The following MEST variants were observed in gnomAD, a reference collection of about 807,000 sequenced individuals.
The protein encoded by MEST is mesoderm specific transcript, also known as mesoderm-specific transcript homolog protein.
A neutral mutation model predicts 50.9 loss-of-function variants in MEST; 18 were observed. The observed-to-expected ratio is 0.35, with a 90% CI of 0.24 to 0.52. The LOEUF is 0.52. Among genes scored for constraint, MEST ranks in the 20% least tolerant of loss-of-function variants. The pLI, the probability that MEST is intolerant of heterozygous loss-of-function variation, is 0.94. For synonymous variants in MEST, 130 were observed against 154.1 expected, an observed-to-expected ratio of 0.84 and a Z score of 1.16; for missense variants, 282 against 425.3, an observed-to-expected ratio of 0.66 and a Z score of 2.96.
Position 130,497,966 on chromosome 7 carries a change from C to T in MEST, c.292C>T (p.Arg98Trp), listed in dbSNP as rs1554437495. Residue 98 changes from arginine to tryptophan, a missense_variant, in exon 4 of 12, where the codon CGG becomes TGG. Physicochemically the swap from Arg to Trp is moderately radical, Grantham distance 101. Transcript: ENST00000223215. The surrounding 1 kb of genome is among the most constrained non-coding windows in gnomAD (Gnocchi z 4.0). ...IWEGLTLRFH[R>W]VIALDFLGFG... ...GGAAGGTCTGACCTTGAGGTTTCAT[C>T]GGGTGATTGCCCTTGATTTCTTAGG... The T allele has an allele frequency of 2.5e-6, 4 of 1,614,192 alleles. No homozygotes were observed. The highest frequency in any genetic ancestry group is 1.3e-5 in the African/African-American group (1 of 75,046).
chr7:130,498,493 G>T lies in MEST; in HGVS notation c.535+16G>T. On this transcript the variant is annotated intron_variant, in intron 6 of 11. Transcript: ENST00000223215. ...TCAAATGGAGGTAATTGCCTTGGCG[G>T]TAGGTAGAAAGTGGGTGTAATCTAG... 1 of 1,613,448 alleles carries T rather than the reference G, an allele frequency of 6.2e-7. No individual in the cohort carries two copies. Among genetic ancestry groups the T allele is most frequent in the Non-Finnish European group, 8.5e-7 (1 of 1,179,394 alleles).
At chr7:130,498,343 CT>C in intron 5 of MEST, 68 bp downstream of exon 5, 6 of 1,611,042 alleles carry the variant, frequency 3.7e-6, no homozygotes, top group Non-Finnish European at 5.1e-6. Context: ...TGTTTGTATC[CT>C]TTTTCTCTCG....
upstream of MEST, among the ~76,000 whole-genome samples, chr7:130,491,900 A>T (rs1447604870): frequency 6.6e-6 from 1 of 151,926 alleles, no homozygotes; most frequent in East Asian, 1.9e-4. The surrounding 1 kb of genome is among the most constrained non-coding windows in gnomAD (Gnocchi z 6.8). Flanking sequence ...GACACCCCTG[A>T]AGGTGCCCCC....
intron 1 of MEST, among the ~76,000 whole-genome samples, chr7:130,494,245 G>A (rs1798951216): frequency 1.3e-5 from 2 of 152,166 alleles, no homozygotes; most frequent in Admixed American, 6.5e-5. Flanking sequence ...GTGTACAGAC[G>A]GAAAGCCATT....
At chr7:130,495,013 A>T (rs1295592642) in intron 1 of MEST, among the ~76,000 whole-genome samples, 1 of 152,184 alleles carries the variant, frequency 6.6e-6, no homozygotes, top group Non-Finnish European at 1.5e-5. Context: ...TCAACGAAAG[A>T]GTGTCCAGCA....
chr7:130,506,371 G>A lies in MEST; in HGVS notation c.*1315G>A, dbSNP rs1272438038. 2.4e-5 allele frequency: 3 copies of A among 124,808 alleles called. No individual in the cohort carries two copies. Among genetic ancestry groups the A allele is most frequent in the African/African-American group, 9.7e-5 (3 of 31,028 alleles). The allele number at this position is 124,808 out of a possible 1,614,324, so 7.7% of individuals were successfully genotyped here. On this transcript the variant is annotated 3_prime_UTR_variant, in exon 12 of 12. Coordinates refer to ENST00000223215, the MANE Select transcript of MEST (RefSeq NM_002402.4). ...TTCCAGCATTGCCAGGAGCTTTCAG[G>A]TACACATTAAAGAATAAAATGAAGT...
chr7:130,494,848 G>A, intron 1 of MEST: 1 of 984,642 alleles, frequency 1.0e-6, no homozygotes, highest in Non-Finnish European at 1.2e-6. Flanking sequence ...GAGGACATGT[G>A]ATAAGTTACT....
intron 6 of MEST, chr7:130,498,857 A>G (rs1799170273): frequency 1.8e-5 from 5 of 282,348 alleles, no homozygotes; most frequent in Admixed American, 4.9e-5. Context: ...AACAACTGCA[A>G]TAGGTTATGA....
In MEST at chr7:130,502,620, C is replaced by T. The variant is rs370874309; in HGVS notation, c.750-24C>T. On this transcript the variant is annotated intron_variant, in intron 9 of 11. Transcript: ENST00000223215. ...AACAGTAAAGGTTTCTTGTTCTGCA[C>T]ATGCTGACTTACCTGTCCTACAGTC... The T allele has an allele frequency of 2.5e-6, 4 of 1,589,598 alleles. No individual in the cohort carries two copies. The South Asian group carries it at 3.3e-5, about 13-fold the overall frequency.
chr7:130,506,250 A>ATAAG lies in MEST; in HGVS notation c.*1196_*1199dup, dbSNP rs1256901453. ...CAAGTATAACAACTTTGAAACTGGA[A>ATAAG]TAAGTGTTTATTTTCTATTAATAAA... On this transcript the variant is annotated 3_prime_UTR_variant, in exon 12 of 12. Coordinates refer to ENST00000223215, the MANE Select transcript of MEST (RefSeq NM_002402.4). 6 of 152,386 alleles carry ATAAG rather than the reference A, an allele frequency of 3.9e-5. No homozygotes were observed. The highest frequency in any genetic ancestry group is 2.0e-4 in the Admixed American group (3 of 15,290). 9.4% of individuals were successfully genotyped at this position (152,386 alleles called of 1,614,324 possible).
upstream of MEST, chr7:130,490,746 T>TC (rs1460142017): frequency 6.6e-6 from 1 of 152,254 alleles, no homozygotes; most frequent in Non-Finnish European, 1.5e-5. Flanking sequence ...CTCATTTATT[T>TC]CGCACCCCCG....
At position 130,504,004 on chromosome 7, in the gene MEST, T is replaced by A. The variant is rs782466729; in HGVS notation, c.890+8T>A. The A allele has an allele frequency of 8.1e-6, 13 of 1,608,470 alleles. No homozygotes were observed. The highest frequency in any genetic ancestry group is 1.1e-5 in the Non-Finnish European group (13 of 1,175,100). ...GTTTTTGGAGCTGTACAGGTGAGTC[T>A]CCCCGAGAGAAGTCTATGTTTTGTT... On this transcript the variant is annotated splice_region_variant and intron_variant, in intron 11 of 11. Coordinates refer to ENST00000223215, the MANE Select transcript of MEST (RefSeq NM_002402.4).
chr7:130,499,841 G>T (rs781836710), intron 6 of MEST, 34 bp from the exon 7 acceptor site: 79 of 1,561,486 alleles, frequency 5.1e-5, no homozygotes, highest in Admixed American at 6.0e-5. Context: ...AATTAAAGCT[G>T]TAGGTAAATG....
chr7:130,489,124 G>C (rs1418275129), upstream of MEST: 11 of 152,176 alleles, frequency 7.2e-5, no homozygotes, highest in African/African-American at 2.7e-4. Flanking sequence ...TATGGTTCTT[G>C]AATCTGTGGT....
At position 130,497,998 on chromosome 7, in the gene MEST, C is replaced by T; in HGVS notation, c.324C>T (p.Gly108=). The change falls in exon 4 of 12, where the codon GGC becomes GGT. Residue 108 remains glycine, a synonymous_variant. Coordinates refer to ENST00000223215, the MANE Select transcript of MEST (RefSeq NM_002402.4). This position sits in a 1 kb window ranked among gnomAD's most constrained non-coding sequence, Gnocchi z 4.0. ...TTGCCCTTGATTTCTTAGGCTTTGGCTTCAGTGACAAACCGGTAAGCAGCA... is the reference window on the plus strand; with the variant it reads ...TTGCCCTTGATTTCTTAGGCTTTGGTTTCAGTGACAAACCGGTAAGCAGCA... ...RVIALDFLGF[G]FSDKPRPHHY... 3 of 1,614,170 alleles carry T rather than the reference C, an allele frequency of 1.9e-6. No homozygotes were observed. The highest frequency in any genetic ancestry group is 2.5e-6 in the Non-Finnish European group (3 of 1,180,050).
chr7:130,500,188 T>C lies in MEST; in HGVS notation c.576+273T>C. The C allele has an allele frequency of 1.8e-6, 1 of 556,690 alleles. No individual in the cohort carries two copies. The highest frequency in any genetic ancestry group is 3.1e-6 in the Non-Finnish European group (1 of 318,528). 34.5% of individuals were successfully genotyped at this position (556,690 alleles called of 1,614,324 possible). Reference sequence around the variant, plus strand: ...AAGATCTGTGTCACAAGCTTGATGTTTGAACAAATTAGGATCCTACTCTAA... The same window carrying C: ...AAGATCTGTGTCACAAGCTTGATGTCTGAACAAATTAGGATCCTACTCTAA... On this transcript the variant is annotated intron_variant, in intron 7 of 11. Coordinates refer to ENST00000223215, the MANE Select transcript of MEST (RefSeq NM_002402.4). The surrounding 1 kb of genome is among the most constrained non-coding windows in gnomAD (Gnocchi z 5.0).
intron 9 of MEST, 47 bp from the exon 10 acceptor site, chr7:130,502,597 C>T (rs377655495): frequency 1.4e-6 from 2 of 1,426,394 alleles, no homozygotes; most frequent in Admixed American, 3.4e-5. Flanking sequence ...ATCCCTGTAA[C>T]AGTAAAGGTT....
chr7:130,496,895 C>G (rs2116262306), intron 2 of MEST: 2 of 285,130 alleles, frequency 7.0e-6, no homozygotes, highest in East Asian at 6.7e-5. Flanking sequence ...TTTAAAAACA[C>G]CTAGGTGAAA....
intron 10 of MEST, 119 bp from the exon 11 acceptor site, chr7:130,503,814 C>T (rs1171898404): frequency 6.8e-6 from 5 of 733,740 alleles, no homozygotes; most frequent in Non-Finnish European, 1.2e-5. Context: ...AGAGACCTTG[C>T]CTATTATAAT....
Sources: gnomAD v4.1 joint callset for allele counts (sites outside exome capture counted in the v4.1 genomes callset) on GRCh38, gnomAD v4.1.1 for gene constraint, Gnocchi (gnomAD v3.1) non-coding constraint, MANE v1.5 for transcripts, NCBI Gene and HGNC (gene_info 2026-07-23, HGNC 2026-07-21) for gene names.